The following FAF1 variants were observed in gnomAD, a reference collection of about 807,000 sequenced individuals.
The protein encoded by FAF1 is FAS-associated factor 1.
In FAF1, 25 loss-of-function variants were observed where a neutral mutation model predicts 92.5. The ratio of observed to expected loss-of-function variants is 0.27; its 90% CI spans 0.20 to 0.38. FAF1 has a LOEUF of 0.38. Ranked by LOEUF, FAF1 falls within the 10% of genes least tolerant of loss-of-function variation. The probability of loss-of-function intolerance (pLI) is 1.00; values close to 1 mark genes in which losing one functional copy is unlikely to be tolerated. For synonymous variants in FAF1, 234 were observed against 273.2 expected (o/e 0.86, Z 1.42); for missense variants, 636 against 793.3 (o/e 0.80, Z 2.38).
chr1:50,893,926 T>G (rs1644738745), intron 1 of FAF1, among the ~76,000 whole-genome samples: 1 of 152,046 alleles, frequency 6.6e-6, no homozygotes, highest in South Asian at 2.1e-4. Flanking sequence ...CTTCCCATAC[T>G]TCCCTCCCCT....
At chr1:50,921,926 GGAGGCCAAGGCAGGTGGATCACCT>G (rs1370732702) in intron 1 of FAF1, among the ~76,000 whole-genome samples, 4 of 152,078 alleles carry the variant, frequency 2.6e-5, no homozygotes, top group Non-Finnish European at 5.9e-5. Flanking sequence ...CAGCACTTTG[GGAGGCCAAGGCAGGTGGATCACCT>G]GAGGCCAGGA....
intron 12 of FAF1, among the ~76,000 whole-genome samples, chr1:50,575,724 G>GA (rs1386113081): frequency 6.6e-6 from 1 of 152,134 alleles, no homozygotes. Flanking sequence ...AATTTAAATG[G>GA]AAAAAATAAC....
chr1:50,443,901 A>C (rs1401173441), intron 18 of FAF1, among the ~76,000 whole-genome samples: 1 of 152,106 alleles, frequency 6.6e-6, no homozygotes, highest in Non-Finnish European at 1.5e-5. Context: ...CGGCCCAGCA[A>C]GAGTGCCCCC....
chr1:50,947,870 C>T (rs1198431332), intron 1 of FAF1, among the ~76,000 whole-genome samples: 1 of 152,144 alleles, frequency 6.6e-6, no homozygotes, highest in East Asian at 1.9e-4. Context: ...ATTTACAATT[C>T]TATTCCATTT....
chr1:50,889,300 C>G (rs1015538727), intron 1 of FAF1, among the ~76,000 whole-genome samples: 1 of 152,090 alleles, frequency 6.6e-6, no homozygotes, highest in Admixed American at 6.5e-5. Context: ...TTTTGCTGAT[C>G]TTTTAAAAAA....
chr1:50,816,920 C>T (rs1643982726), intron 2 of FAF1, among the ~76,000 whole-genome samples: 1 of 152,122 alleles, frequency 6.6e-6, no homozygotes, highest in Non-Finnish European at 1.5e-5. Flanking sequence ...GCTATCCTAG[C>T]ACCATTTATT....
intron 6 of FAF1, among the ~76,000 whole-genome samples, chr1:50,737,887 T>TA (rs1659206008): frequency 6.6e-6 from 1 of 152,086 alleles, no homozygotes; most frequent in Non-Finnish European, 1.5e-5. Flanking sequence ...TTGTTGTATT[T>TA]AAAAGAGAAA....
intron 15 of FAF1, among the ~76,000 whole-genome samples, chr1:50,530,827 G>A (rs187736438): frequency 1.3e-5 from 2 of 152,168 alleles, no homozygotes; most frequent in East Asian, 3.9e-4. Context: ...AAAACAAACT[G>A]CAACAGAAGC....
chr1:50,650,672 T>C (rs867450424), intron 8 of FAF1, among the ~76,000 whole-genome samples: 1 of 152,210 alleles, frequency 6.6e-6, no homozygotes, highest in East Asian at 1.9e-4. Flanking sequence ...TTTCTTTGTA[T>C]AAGCATTATT....
chr1:50,797,564 T>C (rs1569964123), intron 3 of FAF1, among the ~76,000 whole-genome samples: 1 of 152,022 alleles, frequency 6.6e-6, no homozygotes, highest in East Asian at 1.9e-4. Flanking sequence ...CTAGGTGTGG[T>C]GGCAAGCGCC....
intron 17 of FAF1, among the ~76,000 whole-genome samples, chr1:50,481,708 G>T (rs1165993812): frequency 6.6e-6 from 1 of 152,136 alleles, no homozygotes; most frequent in Non-Finnish European, 1.5e-5. Flanking sequence ...GTAGAAGGTG[G>T]GGGGAGGGGT....
At chr1:50,856,909 T>C (rs1051736943) in intron 2 of FAF1, among the ~76,000 whole-genome samples, 1 of 151,682 alleles carries the variant, frequency 6.6e-6, no homozygotes, top group Non-Finnish European at 1.5e-5. Flanking sequence ...AAGTGAAAAA[T>C]GCAGATTACA....
At chr1:50,529,039 G>A (rs1231679004) in intron 15 of FAF1, among the ~76,000 whole-genome samples, 7 of 152,122 alleles carry the variant, frequency 4.6e-5, no homozygotes, top group Non-Finnish European at 7.3e-5. Flanking sequence ...CTGGTTATCA[G>A]TAGGCTGTTA....
intron 4 of FAF1, among the ~76,000 whole-genome samples, chr1:50,749,504 T>G (rs1427446605): frequency 6.6e-6 from 1 of 152,036 alleles, no homozygotes; most frequent in Non-Finnish European, 1.5e-5. Context: ...AAAATTACTC[T>G]CTATTGCAAG....
intron 15 of FAF1, among the ~76,000 whole-genome samples, chr1:50,506,882 T>C (rs1011078907): frequency 1.3e-5 from 2 of 152,210 alleles, no homozygotes; most frequent in Non-Finnish European, 2.9e-5. Context: ...AAAGTGTCAA[T>C]AGCCTTTGCG....
intron 16 of FAF1, 112 bp downstream of exon 16, chr1:50,491,609 C>T: frequency 1.5e-6 from 1 of 683,658 alleles, no homozygotes; most frequent in East Asian, 2.6e-5. Flanking sequence ...TTAACTAAAT[C>T]TAGCTTTCTC....
intron 14 of FAF1, among the ~76,000 whole-genome samples, chr1:50,535,893 T>C (rs1648454309): frequency 6.6e-6 from 1 of 152,196 alleles, no homozygotes; most frequent in Non-Finnish European, 1.5e-5. Context: ...TCATTATGAT[T>C]TGGTTTTAAA....
intron 1 of FAF1, among the ~76,000 whole-genome samples, chr1:50,895,223 G>A (rs1450583475): frequency 6.6e-6 from 1 of 151,912 alleles, no homozygotes; most frequent in Non-Finnish European, 1.5e-5. Context: ...ATCATTAGAG[G>A]CTACCATGAC....
At chr1:50,612,466 T>C in intron 8 of FAF1, 1 of 1,083,486 alleles carries the variant, frequency 9.2e-7, no homozygotes, top group Non-Finnish European at 1.1e-6. Context: ...AACCTTCAAA[T>C]ATGCAAGGAT....
Sources: allele counts gnomAD v4.1 joint callset (sites outside exome capture counted in the v4.1 genomes callset), GRCh38; gene constraint gnomAD v4.1.1; transcripts MANE v1.5; gene names NCBI Gene and HGNC (gene_info 2026-07-23, HGNC 2026-07-21).